Variants in EXTL3 observed in about 807,000 individuals in gnomAD.
EXTL3 encodes the protein exostosin-like 3.
EXTL3 carries 27 observed loss-of-function variants against 69.3 expected under a neutral mutation model. That is an observed-to-expected ratio of 0.39 (90% CI 0.29 to 0.54). The LOEUF is 0.54. Ranked by LOEUF, EXTL3 falls within the 20% of genes least tolerant of loss-of-function variation. The probability of loss-of-function intolerance (pLI) is 0.69; values close to 1 mark genes in which losing one functional copy is unlikely to be tolerated. For missense variants in EXTL3, 1,003 were observed against 1,231.8 expected, an observed-to-expected ratio of 0.81 and a Z score of 2.78; for synonymous variants, 511 against 499.4, an observed-to-expected ratio of 1.02 and a Z score of -0.31.
chr8:28,625,888 C>A (rs557326609), intron 1 of EXTL3, among the ~76,000 whole-genome samples: 2 of 149,608 alleles, frequency 1.3e-5, no homozygotes, highest in Non-Finnish European at 1.5e-5. Flanking sequence ...AGGCCAGGCA[C>A]GGTGGCTCAC....
At chr8:28,755,671 C>T (rs901975473), downstream of EXTL3, 5 of 152,192 alleles carry the variant, frequency 3.3e-5, no homozygotes, top group Non-Finnish European at 7.3e-5. Context: ...ATTGCTTGAA[C>T]CCAGGAGGCG....
chr8:28,620,801 T>G (rs1188574657), upstream of EXTL3, among the ~76,000 whole-genome samples: 2 of 152,164 alleles, frequency 1.3e-5, no homozygotes, highest in African/African-American at 4.8e-5. Context: ...ACTGCAGCCC[T>G]GAACTCCTAG....
chr8:28,671,015 C>T (rs1286603054), intron 1 of EXTL3, among the ~76,000 whole-genome samples: 1 of 150,844 alleles, frequency 6.6e-6, no homozygotes, highest in Non-Finnish European at 1.5e-5. Context: ...GAGTCTTGCT[C>T]TGTCACCTAG....
chr8:28,712,766 T>C (rs1255061553), intron 1 of EXTL3, among the ~76,000 whole-genome samples: 1 of 152,214 alleles, frequency 6.6e-6, no homozygotes, highest in Non-Finnish European at 1.5e-5. Context: ...TGAATCATTG[T>C]TGAATTATTG....
chr8:28,697,413 G>A (rs2130688751), upstream of EXTL3: 1 of 152,390 alleles, frequency 6.6e-6, no homozygotes, highest in Non-Finnish European at 1.5e-5. Flanking sequence ...TGAAAGGACA[G>A]TGGATGCTGC....
intron 5 of EXTL3, among the ~76,000 whole-genome samples, chr8:28,738,917 A>T (rs1186686115): frequency 2.0e-5 from 3 of 152,112 alleles, no homozygotes; most frequent in Non-Finnish European, 4.4e-5. Context: ...GTCTGCATCC[A>T]TGCCCTCCAT....
chr8:28,624,437 C>T (rs1806461355), intron 1 of EXTL3, among the ~76,000 whole-genome samples: 1 of 151,992 alleles, frequency 6.6e-6, no homozygotes, highest in African/African-American at 2.4e-5. Context: ...GTAGTGAGCA[C>T]CTGTGGTCTC....
At chr8:28,748,351 A>G (rs1400689860) in intron 6 of EXTL3, among the ~76,000 whole-genome samples, 1 of 150,820 alleles carries the variant, frequency 6.6e-6, no homozygotes, top group Non-Finnish European at 1.5e-5. Context: ...AGCCTGGGAG[A>G]CAGAGTGAGA....
chr8:28,618,305 T>TA (rs150818502), upstream of EXTL3, among the ~76,000 whole-genome samples: 1,782 of 150,740 alleles, frequency 0.012, 25 homozygotes, highest in African/African-American at 0.032. Context: ...CATCTCTACT[T>TA]AAAAAAAAGG....
At chr8:28,688,963 T>G (rs1800568996) in intron 1 of EXTL3, among the ~76,000 whole-genome samples, 2 of 152,248 alleles carry the variant, frequency 1.3e-5, no homozygotes, top group South Asian at 4.1e-4. Flanking sequence ...TTAAGTAACA[T>G]TGGCTTAAGT....
At chr8:28,683,343 G>A (rs947489100) in intron 1 of EXTL3, among the ~76,000 whole-genome samples, 3 of 151,838 alleles carry the variant, frequency 2.0e-5, no homozygotes, top group African/African-American at 7.2e-5. Context: ...TTAGTAATAT[G>A]ATCATTTTAA....
intron 1 of EXTL3, among the ~76,000 whole-genome samples, chr8:28,708,097 C>T (rs1316311275): frequency 6.6e-6 from 1 of 152,196 alleles, no homozygotes; most frequent in Non-Finnish European, 1.5e-5. Context: ...TAGAAACCTA[C>T]TCTTAAGCCC....
At chr8:28,710,307 A>G in intron 1 of EXTL3, 1 of 325,714 alleles carries the variant, frequency 3.1e-6, no homozygotes, top group South Asian at 2.4e-5. Context: ...CTCATTGGCA[A>G]GCTCTGGGAG....
chr8:28,652,285 C>T (rs758462694), intron 1 of EXTL3, among the ~76,000 whole-genome samples: 3 of 152,076 alleles, frequency 2.0e-5, no homozygotes, highest in African/African-American at 2.4e-5. Context: ...ACAGTGGTTG[C>T]GTCGCTACAT....
intron 1 of EXTL3, among the ~76,000 whole-genome samples, chr8:28,683,380 CA>C (rs1368374671): frequency 6.6e-6 from 1 of 152,102 alleles, no homozygotes; most frequent in African/African-American, 2.4e-5. Context: ...ATTCAATGAA[CA>C]AAGGATATTT....
intron 2 of EXTL3, chr8:28,607,879 A>G (rs112918542): frequency 0.095 from 14,522 of 152,196 alleles, 902 homozygotes; most frequent in Middle Eastern, 0.16. Flanking sequence ...TTGGGAGGCC[A>G]AGGCGGGCGG....
At chr8:28,698,099 C>A (rs570695105), upstream of EXTL3, 9 of 152,020 alleles carry the variant, frequency 5.9e-5, no homozygotes, top group Middle Eastern at 3.4e-3. Flanking sequence ...GATTTGGGAA[C>A]GAGAATGGGA....
At chr8:28,664,147 C>T (rs1807157890) in intron 1 of EXTL3, among the ~76,000 whole-genome samples, 1 of 152,178 alleles carries the variant, frequency 6.6e-6, no homozygotes, top group African/African-American at 2.4e-5. Context: ...CTGTCATGGT[C>T]TGCTTGGGCT....
At chr8:28,687,544 GTC>G (rs764318933) in intron 1 of EXTL3, among the ~76,000 whole-genome samples, 22 of 152,310 alleles carry the variant, frequency 1.4e-4, no homozygotes, top group East Asian at 3.9e-4. Context: ...TTAGTTAATA[GTC>G]TCTATAAATT....
Sources: allele counts gnomAD v4.1 joint callset (sites outside exome capture counted in the v4.1 genomes callset), GRCh38; gene constraint gnomAD v4.1.1; transcripts MANE v1.5; gene names NCBI Gene and HGNC (gene_info 2026-07-23, HGNC 2026-07-21).